RAPGEF4: variants seen among roughly 807,000 people sequenced by gnomAD.
The protein encoded by RAPGEF4 is Rap guanine nucleotide exchange factor 4, also known as RAP guanine-nucleotide-exchange factor (GEF) 4.
A neutral mutation model predicts 147.9 loss-of-function variants in RAPGEF4; 66 were observed. The ratio of observed to expected loss-of-function variants is 0.45; its 90% CI spans 0.37 to 0.55. The LOEUF is 0.55. Among genes scored for constraint, RAPGEF4 ranks in the 20% least tolerant of loss-of-function variants. RAPGEF4 has a pLI of 0.00. For missense variants in RAPGEF4, 1,071 were observed against 1,257.3 expected (o/e 0.85, Z 2.24); for synonymous variants, 419 against 442.7 (o/e 0.95, Z 0.67).
rs575559635 is a variant in RAPGEF4 at position 172,771,039 on chromosome 2, A to T, written c.66-23986A>T. On this transcript the variant is annotated intron_variant, in intron 1 of 30. Coordinates refer to ENST00000397081, the MANE Select transcript of RAPGEF4 (RefSeq NM_007023.4). ...TGTCTTAGTCTGTTCAGGTTGTTAT[A>T]ACAAAGTACATAGGCTGGTCATTTA... is the stretch of plus-strand genomic sequence containing the variant. Among the ~76,000 whole-genome samples, 16 of 152,304 alleles carry T rather than the reference A, an allele frequency of 1.1e-4. No homozygotes were observed. In the East Asian group the frequency reaches 2.7e-3, roughly 26 times the overall value.
At chr2:172,823,788 A>G (rs1689365121) in intron 4 of RAPGEF4, among the ~76,000 whole-genome samples, 2 of 152,226 alleles carry the variant, frequency 1.3e-5, no homozygotes, top group Admixed American at 1.3e-4. Context: ...AGCCCAAACC[A>G]ATAAATGCAA....
intron 12 of RAPGEF4, among the ~76,000 whole-genome samples, chr2:172,985,707 A>G (rs1161031722): frequency 6.6e-6 from 1 of 152,096 alleles, no homozygotes; most frequent in Non-Finnish European, 1.5e-5. Flanking sequence ...TAGTACCAGC[A>G]AGTGTTGTGG....
At chr2:172,893,627 C>G (rs1234738840) in intron 4 of RAPGEF4, 1 of 152,122 alleles carries the variant, frequency 6.6e-6, no homozygotes, top group Non-Finnish European at 1.5e-5. Context: ...CTCAGGTGTA[C>G]AAGATATTAG....
chr2:173,002,169 T>C (rs1208186803), intron 17 of RAPGEF4, among the ~76,000 whole-genome samples: 3 of 152,152 alleles, frequency 2.0e-5, no homozygotes, highest in Non-Finnish European at 4.4e-5. Context: ...ATTAAATTGC[T>C]AAGCTGCTGA....
At chr2:172,791,160 A>G (rs1685784203) in intron 1 of RAPGEF4, among the ~76,000 whole-genome samples, 1 of 152,144 alleles carries the variant, frequency 6.6e-6, no homozygotes, top group African/African-American at 2.4e-5. Flanking sequence ...CCACCTCCCA[A>G]CATTGTTGCA....
intron 4 of RAPGEF4, among the ~76,000 whole-genome samples, chr2:172,834,823 C>A (rs544379529): frequency 6.6e-6 from 1 of 152,162 alleles, no homozygotes; most frequent in African/African-American, 2.4e-5. Context: ...CTTTAAACAT[C>A]GAAATAGTCT....
chr2:172,886,982 G>GT (rs1002656769), intron 4 of RAPGEF4, among the ~76,000 whole-genome samples: 4 of 152,078 alleles, frequency 2.6e-5, no homozygotes, highest in Admixed American at 2.6e-4. Context: ...GAAGTCAGGA[G>GT]TTTGACACCA....
chr2:172,737,173 A>G (rs914423014), intron 1 of RAPGEF4, among the ~76,000 whole-genome samples: 12 of 152,256 alleles, frequency 7.9e-5, no homozygotes, highest in African/African-American at 2.4e-4. Flanking sequence ...TTGACTTTCA[A>G]TTACCACTCA....
chr2:172,751,753 T>A (rs1695311918), intron 1 of RAPGEF4, among the ~76,000 whole-genome samples: 2 of 152,136 alleles, frequency 1.3e-5, no homozygotes, highest in African/African-American at 4.8e-5. Flanking sequence ...AGAACAGAGG[T>A]CGGGCTGGTT....
At chr2:172,861,484 G>T (rs1219110778) in intron 4 of RAPGEF4, among the ~76,000 whole-genome samples, 2 of 152,180 alleles carry the variant, frequency 1.3e-5, no homozygotes, top group Non-Finnish European at 2.9e-5. Flanking sequence ...ATTCCATGGG[G>T]CAGACACAGG....
chr2:173,034,040 C>G (rs1559200767), intron 27 of RAPGEF4, 76 bp downstream of exon 27: 1 of 1,420,088 alleles, frequency 7.0e-7, no homozygotes, highest in Non-Finnish European at 9.7e-7. Context: ...TTGAAGTTCT[C>G]ATTTTGGAAA....
At chr2:172,975,367 T>C (rs1690962928) in intron 10 of RAPGEF4, among the ~76,000 whole-genome samples, 1 of 152,182 alleles carries the variant, frequency 6.6e-6, no homozygotes, top group East Asian at 1.9e-4. Context: ...CCGTCCCCTC[T>C]TTGAACCACT....
intron 1 of RAPGEF4, among the ~76,000 whole-genome samples, chr2:172,754,555 T>A (rs1695586872): frequency 6.6e-6 from 1 of 152,132 alleles, no homozygotes; most frequent in South Asian, 2.1e-4. Flanking sequence ...AATAAGGAAT[T>A]TGAGGTCTGG....
At position 172,831,265 on chromosome 2, in the gene RAPGEF4, A is replaced by AATTTTTTTTTTTTTTTTTTTTT. The variant is rs1491195850; in HGVS notation, c.444+16840_444+16841insATTTTTTTTTTTTTTTTTTTTT. 1.2e-4 allele frequency among the ~76,000 whole-genome samples: 2 copies of AATTTTTTTTTTTTTTTTTTTTT among 16,624 alleles called. 1 individual carries two copies. Among genetic ancestry groups the AATTTTTTTTTTTTTTTTTTTTT allele is most frequent in the Non-Finnish European group, 3.0e-4 (2 of 6,582 alleles). The allele number at this position is 16,624 out of a possible 152,430, so 10.9% of individuals were successfully genotyped here. A position where few individuals can be genotyped will look rare whatever the true frequency, so the allele number is the denominator to read the frequency against. On this transcript the variant is annotated intron_variant, in intron 4 of 30. Transcript: ENST00000397081. ...AAAATGTGACTGTTTCAGATAGAAA[A>AATTTTTTTTTTTTTTTTTTTTT]CTTTTTTTTTTTTTTTTTTTGAGAC...
intron 1 of RAPGEF4, among the ~76,000 whole-genome samples, chr2:172,762,760 C>G (rs1203606231): frequency 1.3e-5 from 2 of 152,142 alleles, no homozygotes; most frequent in Admixed American, 1.3e-4. Context: ...CGTGGTGTAA[C>G]CTGGGGAGTG....
intron 6 of RAPGEF4, among the ~76,000 whole-genome samples, chr2:172,959,665 C>T (rs954889332): frequency 4.6e-5 from 7 of 152,034 alleles, no homozygotes; most frequent in Non-Finnish European, 7.3e-5. Context: ...TTTTCTCCAC[C>T]GTTTGGAATA....
chr2:173,005,530 T>TG (rs1694373834), intron 17 of RAPGEF4, among the ~76,000 whole-genome samples: 2 of 139,338 alleles, frequency 1.4e-5, no homozygotes, highest in Non-Finnish European at 3.1e-5. Flanking sequence ...GTTTTTTTTT[T>TG]TTTTTTTTTT....
intron 6 of RAPGEF4, among the ~76,000 whole-genome samples, chr2:172,954,339 C>A (rs1035348767): frequency 6.6e-6 from 1 of 152,170 alleles, no homozygotes; most frequent in Non-Finnish European, 1.5e-5. Context: ...TGCTTTGCAA[C>A]CTCAATTCTC....
chr2:172,872,275 G>A (rs1404603983), intron 4 of RAPGEF4, among the ~76,000 whole-genome samples: 1 of 152,036 alleles, frequency 6.6e-6, no homozygotes, highest in Non-Finnish European at 1.5e-5. Flanking sequence ...TATCTGTGAC[G>A]AACTATTATT....
Sources: gnomAD v4.1 joint callset for allele counts (sites outside exome capture counted in the v4.1 genomes callset) on GRCh38, gnomAD v4.1.1 for gene constraint, MANE v1.5 for transcripts, NCBI Gene and HGNC (gene_info 2026-07-23, HGNC 2026-07-21) for gene names.